Variants in AGPS observed in about 807,000 individuals in gnomAD.
AGPS encodes alkyldihydroxyacetonephosphate synthase, peroxisomal.
A neutral mutation model predicts 90.7 loss-of-function variants in AGPS; 26 were observed. The observed-to-expected ratio is 0.29, with a 90% CI of 0.21 to 0.40. The LOEUF (loss-of-function observed/expected upper bound fraction) is 0.40. Ranked by LOEUF, AGPS falls within the 10% of genes least tolerant of loss-of-function variation. AGPS has a pLI of 1.00. For synonymous variants in AGPS, 294 were observed against 285.3 expected (o/e 1.03, Z -0.31); for missense variants, 540 against 816.1 (o/e 0.66, Z 4.12).
At chr2:177,502,816 A>G (rs1018175477) in intron 14 of AGPS, among the ~76,000 whole-genome samples, 1 of 152,208 alleles carries the variant, frequency 6.6e-6, no homozygotes, top group East Asian at 1.9e-4. Flanking sequence ...TGTAGGCACT[A>G]ATTTTTTGTT....
Position 177,487,971 on chromosome 2 carries a change from G to A in AGPS, c.1234-5177G>A, listed in dbSNP as rs180742755. Among the ~76,000 whole-genome samples the A allele has an allele frequency of 3.8e-3, 580 of 152,170 alleles. 6 individuals carry two copies. The highest frequency in any genetic ancestry group is 0.014 in the African/African-American group (563 of 41,514). On this transcript the variant is annotated intron_variant, in intron 11 of 19. Coordinates refer to ENST00000264167, the MANE Select transcript of AGPS (RefSeq NM_003659.4). ...GTATTATTTTATTCTTTAAAACCAAGCAACAATTGACTTGTCAAAATAAAA... is the reference window on the plus strand; with the variant it reads ...GTATTATTTTATTCTTTAAAACCAAACAACAATTGACTTGTCAAAATAAAA...
At chr2:177,481,078 A>G (rs1268545587) in intron 10 of AGPS, among the ~76,000 whole-genome samples, 1 of 152,126 alleles carries the variant, frequency 6.6e-6, no homozygotes, top group African/African-American at 2.4e-5. Flanking sequence ...TATATTGACA[A>G]GTTGTTTTAA....
chr2:177,436,929 T>C, intron 4 of AGPS, 45 bp downstream of exon 4: 1 of 1,610,784 alleles, frequency 6.2e-7, no homozygotes, highest in Admixed American at 1.7e-5. Context: ...ACAAAAAAAT[T>C]CTATATTTTA....
chr2:177,483,016 T>G (rs1199573561), intron 11 of AGPS, among the ~76,000 whole-genome samples: 1 of 152,142 alleles, frequency 6.6e-6, no homozygotes, highest in Non-Finnish European at 1.5e-5. Context: ...AATACTTCTA[T>G]TAGCTATACC....
intron 14 of AGPS, 134 bp from the exon 15 acceptor site, chr2:177,505,372 A>T (rs936004631): frequency 1.3e-6 from 1 of 779,244 alleles, no homozygotes; most frequent in African/African-American, 1.7e-5. Context: ...TTTGAAATTA[A>T]GATGAAACAG....
At chr2:177,487,376 C>G (rs1273930983) in intron 11 of AGPS, among the ~76,000 whole-genome samples, 1 of 152,106 alleles carries the variant, frequency 6.6e-6, no homozygotes. Context: ...GAAAATGCAG[C>G]TTTTCTTCCC....
At chr2:177,523,410 A>G (rs1382840581) in intron 18 of AGPS, among the ~76,000 whole-genome samples, 7 of 152,192 alleles carry the variant, frequency 4.6e-5, no homozygotes, top group Non-Finnish European at 7.4e-5. Flanking sequence ...ATAATGAGAG[A>G]TGTTCGTTAC....
chr2:177,525,688 C>G (rs1280202051), intron 19 of AGPS, among the ~76,000 whole-genome samples: 1 of 152,150 alleles, frequency 6.6e-6, no homozygotes, highest in African/African-American at 2.4e-5. Flanking sequence ...GGATGATGTT[C>G]TCAGTTTATT....
intron 1 of AGPS, among the ~76,000 whole-genome samples, chr2:177,398,741 A>T (rs1439142838): frequency 1.3e-5 from 2 of 152,220 alleles, no homozygotes. Context: ...GTCAAAATGA[A>T]ATTCATAATA....
At position 177,451,444 on chromosome 2, in the gene AGPS, A is replaced by C. The variant is rs554267397; in HGVS notation, c.870+5818A>C. Among the ~76,000 whole-genome samples the C allele has an allele frequency of 9.9e-5, 15 of 151,956 alleles. No homozygotes were observed. In the South Asian group the frequency reaches 2.9e-3, roughly 29 times the overall value. On this transcript the variant is annotated intron_variant, in intron 8 of 19. Transcript: ENST00000264167. ...CTAAATTTTAACTTTTTTTTTGTAG[A>C]TCTCATTGGATTTTTTACATAGATG... is the stretch of plus-strand genomic sequence containing the variant.
intron 7 of AGPS, among the ~76,000 whole-genome samples, chr2:177,443,228 T>C (rs1686661603): frequency 6.6e-6 from 1 of 152,212 alleles, no homozygotes; most frequent in African/African-American, 2.4e-5. Context: ...TAGTAGTTAG[T>C]CTACATTAAA....
intron 12 of AGPS, among the ~76,000 whole-genome samples, chr2:177,496,186 T>C (rs1459636150): frequency 6.6e-6 from 1 of 152,114 alleles, no homozygotes; most frequent in African/African-American, 2.4e-5. Context: ...AAGTGAACAT[T>C]TACCCTTAAG....
At chr2:177,477,612 A>G (rs770583327) in intron 10 of AGPS, among the ~76,000 whole-genome samples, 1 of 152,172 alleles carries the variant, frequency 6.6e-6, no homozygotes, top group Non-Finnish European at 1.5e-5. Flanking sequence ...TCCCAAATTG[A>G]AAACACATCT....
intron 5 of AGPS, among the ~76,000 whole-genome samples, 188 bp downstream of exon 5, chr2:177,437,242 A>G (rs981755614): frequency 1.3e-5 from 2 of 152,164 alleles, no homozygotes; most frequent in Non-Finnish European, 2.9e-5. Context: ...GGTTTTAACA[A>G]TTCATTTTGT....
At chr2:177,474,664 A>G (rs907421577) in intron 10 of AGPS, among the ~76,000 whole-genome samples, 1 of 152,226 alleles carries the variant, frequency 6.6e-6, no homozygotes. Flanking sequence ...TGTATCTACC[A>G]TAACCATCTA....
intron 11 of AGPS, among the ~76,000 whole-genome samples, chr2:177,483,215 C>G (rs1342473514): frequency 1.3e-5 from 2 of 152,102 alleles, no homozygotes; most frequent in East Asian, 3.8e-4. Flanking sequence ...ATTTTCCCAT[C>G]ATCTCAAGAC....
At position 177,392,829 on chromosome 2, in the gene AGPS, G is replaced by T. The variant is rs1217837187; in HGVS notation, c.40G>T (p.Gly14Cys). ...AAAAAGGTGL[G>C]AGASYGSAAD... ...GGCTGCAGCGGGTGGGACTGGCTTGGGCGCGGGCGCGAGCTACGGGTCTGC... is the reference window on the plus strand; with the variant it reads ...GGCTGCAGCGGGTGGGACTGGCTTGTGCGCGGGCGCGAGCTACGGGTCTGC... Residue 14 changes from glycine to cysteine, a missense_variant, in exon 1 of 20, where the codon GGC (glycine) becomes TGC (cysteine). Around this residue, in one of 2 missense-constraint regions of AGPS, gnomAD observed 135 missense variants for 124.0 expected, o/e 1.09. Transcript: ENST00000264167. 1.3e-6 allele frequency: 2 copies of T among 1,546,470 alleles called. No individual in the cohort carries two copies. The highest frequency in any genetic ancestry group is 3.9e-5 in the Admixed American group (2 of 51,734).
rs374159872 is a variant in AGPS at position 177,444,696 on chromosome 2, C to T, written c.790-850C>T. On this transcript the variant is annotated intron_variant, in intron 7 of 19. Coordinates refer to ENST00000264167, the MANE Select transcript of AGPS (RefSeq NM_003659.4). ...TAGATTTATCTATGTTAGTTATTGC[C>T]GTGAAATTGAGCATATGAAAGTAGA... is the stretch of plus-strand genomic sequence containing the variant. 5.3e-5 allele frequency among the ~76,000 whole-genome samples: 8 copies of T among 152,010 alleles called. No homozygotes were observed. In the East Asian group the frequency reaches 9.6e-4, roughly 18 times the overall value.
intron 1 of AGPS, among the ~76,000 whole-genome samples, chr2:177,418,686 T>C (rs1327756190): frequency 6.6e-6 from 1 of 151,688 alleles, no homozygotes; most frequent in Non-Finnish European, 1.5e-5. Flanking sequence ...AAGTAAATTA[T>C]ACTTCATAAA....
Sources: allele counts gnomAD v4.1 joint callset (sites outside exome capture counted in the v4.1 genomes callset), GRCh38; gene constraint gnomAD v4.1.1; regional missense constraint gnomAD v4.1.1; transcripts MANE v1.5; gene names NCBI Gene and HGNC (gene_info 2026-07-23, HGNC 2026-07-21).